The following WDR13 variants were observed in gnomAD, a reference collection of about 807,000 sequenced individuals.
The protein encoded by WDR13 is WD repeat domain 13.
In WDR13, 1 loss-of-function variant was observed where a neutral mutation model predicts 28.6. The ratio of observed to expected loss-of-function variants is 0.03; its 90% confidence interval spans 0.01 to 0.17. WDR13 has a LOEUF of 0.17. Ranked by LOEUF, WDR13 falls within the 10% of genes least tolerant of loss-of-function variation. The pLI is 1.00. For missense variants in WDR13, 264 were observed against 469.3 expected (o/e 0.56, Z 4.04); for synonymous variants, 201 against 185.9 (o/e 1.08, Z -0.66).
Position 48,600,388 on chromosome X carries a change from C to G in WDR13, c.593C>G (p.Ser198Cys). 1 of 1,211,236 alleles carries G rather than the reference C, an allele frequency of 8.3e-7. No homozygotes were observed. The highest frequency in any genetic ancestry group is 1.1e-6 in the Non-Finnish European group (1 of 895,631). The part of the protein sequence containing the change: ...LACCSLDGSI[S>C]LCQLVPAPPT... ...TGCTGCTCACTCGACGGCAGCATCT[C>G]CCTGTGCCAGCTGGTGCCTGCCCCA... is the stretch of plus-strand genomic sequence containing the variant. The change falls in exon 6 of 10, where the codon TCC becomes TGC. Residue 198 changes from serine (S) to cysteine (C), a missense_variant. By Grantham distance (112) the Ser-to-Cys change is moderately radical. Around this residue, in one of 4 missense-constraint regions of WDR13, gnomAD observed 157 missense variants for 270.2 expected, o/e 0.58. Coordinates refer to ENST00000376729, the MANE Select transcript of WDR13 (RefSeq NM_001347217.2).
chrX:48,604,838 A>G lies in WDR13; in HGVS notation c.1274-10A>G. The G allele has an allele frequency of 8.3e-7, 1 of 1,199,339 alleles. No individual in the cohort carries two copies. The highest frequency in any genetic ancestry group is 1.1e-6 in the Non-Finnish European group (1 of 886,307). ...CGCCTCCCGATGGCCTCTCCCTCTC[A>G]CCCCGACAGTGACGGGCAGTGAGGA... On this transcript the variant is annotated splice_polypyrimidine_tract_variant and intron_variant, in intron 9 of 9. Coordinates refer to ENST00000376729, the MANE Select transcript of WDR13 (RefSeq NM_001347217.2).
At chrX:48,599,883 C>T in intron 5 of WDR13, 166 bp downstream of exon 5, 1 of 745,525 alleles carries the variant, frequency 1.3e-6, no homozygotes, top group Non-Finnish European at 1.9e-6. Context: ...GTGGTCAGTG[C>T]TTCGTCTACT....
intron 2 of WDR13, 54 bp from the exon 3 acceptor site, chrX:48,598,663 G>A (rs1370409896): frequency 1.9e-6 from 2 of 1,046,479 alleles, no homozygotes; most frequent in Non-Finnish European, 2.4e-6. Context: ...CCCCCGAGCT[G>A]ATTGATTCCC....
chrX:48,600,872 G>T, intron 6 of WDR13: 1 of 392,740 alleles, frequency 2.5e-6, no homozygotes, highest in Non-Finnish European at 4.5e-6. Context: ...GAGGCGGGCG[G>T]ATCACGAGGT....
chrX:48,603,366 G>A (rs1180828385), intron 8 of WDR13, among the ~76,000 whole-genome samples: 1 of 111,191 alleles, frequency 9.0e-6, no homozygotes, highest in African/African-American at 3.3e-5. Flanking sequence ...GGCCTTTTCC[G>A]GCCAGGCACA....
chrX:48,602,223 G>A lies in WDR13; in HGVS notation c.1154+17G>A, dbSNP rs781849903. The A allele has an allele frequency of 8.3e-7, 1 of 1,199,809 alleles. No homozygotes were observed. The highest frequency in any genetic ancestry group is 1.8e-5 in the South Asian group (1 of 56,390). ...GCTCTACAGGTGGGTCCCCCATCAGGGCCTCCTGGAGACGGAGGACCTGCC... is the reference window on the plus strand; with the variant it reads ...GCTCTACAGGTGGGTCCCCCATCAGAGCCTCCTGGAGACGGAGGACCTGCC... On this transcript the variant is annotated intron_variant, in intron 8 of 9. Coordinates refer to ENST00000376729, the MANE Select transcript of WDR13 (RefSeq NM_001347217.2).
rs1196427080 is a variant in WDR13 at position 48,607,995 on chromosome X, C to T, written c.*2963C>T. On this transcript the variant is annotated 3_prime_UTR_variant, in exon 10 of 10. Transcript: ENST00000376729. ...CCATATTGGCCAGGCTGGTCTCCATCTCTTGACCTTGTGATCCGCCTGCCT... is the reference window on the plus strand; with the variant it reads ...CCATATTGGCCAGGCTGGTCTCCATTTCTTGACCTTGTGATCCGCCTGCCT... The T allele has an allele frequency of 3.6e-5, 4 of 110,337 alleles. No homozygotes were observed. Among genetic ancestry groups the T allele is most frequent in the Non-Finnish European group, 5.7e-5 (3 of 52,834 alleles). The allele number at this position is 110,337 out of a possible 1,213,427, so 9.1% of individuals were successfully genotyped here. A position where few individuals can be genotyped will look rare whatever the true frequency, so the allele number is the denominator to read the frequency against.
chrX:48,603,003 T>C (rs1556995108), intron 8 of WDR13, among the ~76,000 whole-genome samples: 1 of 109,318 alleles, frequency 9.1e-6, no homozygotes, highest in African/African-American at 3.3e-5. Flanking sequence ...CCTAGGCGTG[T>C]ACATATATCC....
chrX:48,598,069 G>C lies in WDR13; in HGVS notation c.41+32G>C, dbSNP rs1164877069. 9 of 1,161,513 alleles carry C rather than the reference G, an allele frequency of 7.7e-6. No individual in the cohort carries two copies. In the Admixed American group the frequency reaches 1.3e-4, roughly 17 times the overall value. On this transcript the variant is annotated intron_variant, in intron 2 of 9. Transcript: ENST00000376729. ...CGTGGGGTCAAAGCCCATGGGAGCA[G>C]AACTTACTGTGGTGCATGCGCAATG...
Position 48,605,105 on chromosome X carries a change from G to A in WDR13, c.*73G>A, listed in dbSNP as rs781875936. 9.8e-6 allele frequency: 11 copies of A among 1,119,443 alleles called. No individual in the cohort carries two copies. In the South Asian group the frequency reaches 2.1e-4, roughly 21 times the overall value. 92.3% of individuals were successfully genotyped at this position (1,119,443 alleles called of 1,213,427 possible). On this transcript the variant is annotated 3_prime_UTR_variant, in exon 10 of 10. Transcript: ENST00000376729. The stretch of plus-strand genomic sequence containing the variant: ...AGCCTCGTGTTGTAAATAAAGTTTC[G>A]GTGGTCATGCTGAGGGCCGGCTCCC...
chrX:48,599,103 C>T, intron 3 of WDR13, 146 bp downstream of exon 3: 1 of 918,937 alleles, frequency 1.1e-6, no homozygotes, highest in Non-Finnish European at 1.5e-6. Flanking sequence ...AACCAGTAAA[C>T]ACACAAACTT....
intron 4 of WDR13, 33 bp from the exon 5 acceptor site, chrX:48,599,554 T>C (rs1394976102): frequency 1.7e-6 from 2 of 1,210,472 alleles, no homozygotes; most frequent in Non-Finnish European, 2.2e-6. Context: ...CGCATCTACC[T>C]CCTGTCACCC....
intron 2 of WDR13, 55 bp from the exon 3 acceptor site, chrX:48,598,662 T>A: frequency 2.7e-6 from 1 of 370,194 alleles, no homozygotes; most frequent in African/African-American, 4.2e-5. Flanking sequence ...CCCCCCGAGC[T>A]GATTGATTCC....
intron 6 of WDR13, 197 bp downstream of exon 6, chrX:48,600,823 C>CAGTG (rs1556994284): frequency 2.1e-6 from 1 of 465,223 alleles, no homozygotes; most frequent in Non-Finnish European, 3.5e-6. Flanking sequence ...GGGCCAGGCG[C>CAGTG]AGTGGCTCAC....
At position 48,608,742 on chromosome X, in the gene WDR13, C is replaced by G. The variant is rs2062235879; in HGVS notation, c.*3710C>G. 9.0e-6 allele frequency: 1 copy of G among 111,555 alleles called. No individual in the cohort carries two copies. The highest frequency in any genetic ancestry group is 1.9e-5 in the Non-Finnish European group (1 of 53,112). 9.2% of individuals were successfully genotyped at this position (111,555 alleles called of 1,213,427 possible). On this transcript the variant is annotated 3_prime_UTR_variant, in exon 10 of 10. Transcript: ENST00000376729. ...TGTGCATGATTTTGGGGGTTTCCTCCTTGTGAAATTTTGAGGTGGCAGATT... is the reference window on the plus strand; with the variant it reads ...TGTGCATGATTTTGGGGGTTTCCTCGTTGTGAAATTTTGAGGTGGCAGATT...
chrX:48,602,291 T>C, intron 8 of WDR13, 85 bp downstream of exon 8: 1 of 1,030,582 alleles, frequency 9.7e-7, no homozygotes, highest in African/African-American at 1.8e-5. Context: ...CTCCATCAGG[T>C]TAATTTAATT....
At chrX:48,600,891 T>C (rs235849) in intron 6 of WDR13, among the ~76,000 whole-genome samples, 11 of 109,767 alleles carry the variant, frequency 1.0e-4, no homozygotes, top group African/African-American at 3.6e-4. Flanking sequence ...GTCAGGAGAT[T>C]GAGACCATCC....
chrX:48,602,309 C>T, intron 8 of WDR13, 103 bp downstream of exon 8: 1 of 904,419 alleles, frequency 1.1e-6, no homozygotes, highest in Non-Finnish European at 1.5e-6. Context: ...ATTGAGGGAG[C>T]AGTAGTAGCA....
At chrX:48,601,660 C>A in intron 6 of WDR13, 124 bp from the exon 7 acceptor site, 1 of 681,049 alleles carries the variant, frequency 1.5e-6, no homozygotes, top group Non-Finnish European at 2.1e-6. Context: ...CTACCTGCCA[C>A]AGCCCTATTG....
Sources: allele counts gnomAD v4.1 joint callset (sites outside exome capture counted in the v4.1 genomes callset), GRCh38; gene constraint gnomAD v4.1.1; regional missense constraint gnomAD v4.1.1; transcripts MANE v1.5; gene names NCBI Gene and HGNC (gene_info 2026-07-23, HGNC 2026-07-21).